Variants in SLC39A14 observed in about 807,000 individuals in gnomAD.
The protein encoded by SLC39A14 is metal cation symporter ZIP14.
A neutral mutation model predicts 45.5 loss-of-function variants in SLC39A14; 19 were observed. The ratio of observed to expected loss-of-function variants is 0.42; its 90% CI spans 0.29 to 0.61. The LOEUF (loss-of-function observed/expected upper bound fraction) is 0.61, where lower values mean the gene tolerates loss of function less well. Among genes scored for constraint, SLC39A14 ranks in the 20% least tolerant of loss-of-function variants. The pLI is 0.22. For missense variants in SLC39A14, 447 were observed against 616.5 expected (o/e 0.73, Z 2.91); for synonymous variants, 264 against 251.3 (o/e 1.05, Z -0.48).
chr8:22,432,419 C>T (rs929357330), intron 8 of SLC39A14, among the ~76,000 whole-genome samples: 1 of 151,396 alleles, frequency 6.6e-6, no homozygotes, highest in African/African-American at 2.4e-5. Flanking sequence ...TCTCTCTGCT[C>T]CTTCCCTCCC....
chr8:22,378,786 C>T (rs997149643), intron 1 of SLC39A14, among the ~76,000 whole-genome samples: 4 of 152,148 alleles, frequency 2.6e-5, no homozygotes, highest in Non-Finnish European at 4.4e-5. Context: ...TCATGGGTCC[C>T]GCCCATACAC....
At chr8:22,411,965 G>A in intron 3 of SLC39A14, 72 bp from the exon 4 acceptor site, 1 of 1,383,308 alleles carries the variant, frequency 7.2e-7, no homozygotes, top group Non-Finnish European at 9.8e-7. Context: ...GCTAAATGGT[G>A]GTTGCTGTGC....
chr8:22,395,282 T>C (rs1834322687), intron 1 of SLC39A14, among the ~76,000 whole-genome samples: 1 of 152,198 alleles, frequency 6.6e-6, no homozygotes, highest in South Asian at 2.1e-4. Context: ...ATCTTGTGTT[T>C]TATCTTAGAA....
At chr8:22,405,022 C>T in intron 2 of SLC39A14, 42 bp downstream of exon 2, 7 of 1,583,458 alleles carry the variant, frequency 4.4e-6, no homozygotes, top group Non-Finnish European at 6.0e-6. Context: ...TCAGCCCCGT[C>T]TCTGGCCTCT....
intron 1 of SLC39A14, among the ~76,000 whole-genome samples, chr8:22,383,826 C>T (rs549833614): frequency 6.6e-6 from 1 of 152,288 alleles, no homozygotes; most frequent in Admixed American, 6.5e-5. Flanking sequence ...ACCGTTTCTC[C>T]AGGGCTGGCT....
At chr8:22,412,334 A>T in intron 4 of SLC39A14, 128 bp downstream of exon 4, 1 of 988,950 alleles carries the variant, frequency 1.0e-6, no homozygotes, top group Non-Finnish European at 1.5e-6. Flanking sequence ...GCTAGAACTT[A>T]GGCGTGAACT....
chr8:22,394,721 A>G (rs1461616509), intron 1 of SLC39A14, among the ~76,000 whole-genome samples: 1 of 152,116 alleles, frequency 6.6e-6, no homozygotes, highest in East Asian at 1.9e-4. Flanking sequence ...TTTCTGTATT[A>G]ATTACATGCA....
chr8:22,381,789 G>A (rs1017675944), intron 1 of SLC39A14, among the ~76,000 whole-genome samples: 2 of 152,096 alleles, frequency 1.3e-5, no homozygotes, highest in Non-Finnish European at 2.9e-5. Flanking sequence ...GTGACAAAAG[G>A]TTAATATCTT....
chr8:22,375,587 G>A (rs563468539), intron 1 of SLC39A14, among the ~76,000 whole-genome samples: 1 of 152,124 alleles, frequency 6.6e-6, no homozygotes, highest in African/African-American at 2.4e-5. Flanking sequence ...CCAGGTTCAA[G>A]CAATTCTCCT....
At chr8:22,370,059 T>C (rs1832845303) in intron 1 of SLC39A14, among the ~76,000 whole-genome samples, 1 of 152,176 alleles carries the variant, frequency 6.6e-6, no homozygotes, top group Non-Finnish European at 1.5e-5. Flanking sequence ...GCTGCTCTGA[T>C]TTCTTCAGAG....
chr8:22,401,543 C>CTTTTTTTTTTTTTT (rs71544899), intron 1 of SLC39A14, among the ~76,000 whole-genome samples: 30 of 84,076 alleles, frequency 3.6e-4, no homozygotes, highest in East Asian at 8.2e-4. Flanking sequence ...TCTTCTCTTT[C>CTTTTTTTTTTTTTT]TTTTTTTTTT....
Position 22,422,460 on chromosome 8 carries a change from A to G in SLC39A14, c.*2762A>G, listed in dbSNP as rs190839060. Reference sequence around the variant, plus strand: ...TAAGTCCTCTTCCAAAGAGATGGCAATATGCTGGGCATCTACTTTAAAACA... The same window carrying G: ...TAAGTCCTCTTCCAAAGAGATGGCAGTATGCTGGGCATCTACTTTAAAACA... On this transcript the variant is annotated 3_prime_UTR_variant, in exon 9 of 9. Transcript: ENST00000381237. 1.8e-4 allele frequency: 180 copies of G among 985,898 alleles called. 1 individual carries two copies. In the African/African-American group the frequency reaches 3.0e-3, roughly 16 times the overall value. 61.1% of individuals were successfully genotyped at this position (985,898 alleles called of 1,614,324 possible). A position where few individuals can be genotyped will look rare whatever the true frequency, so the allele number is the denominator to read the frequency against.
At chr8:22,379,383 G>T (rs903762606) in intron 1 of SLC39A14, 8 of 152,190 alleles carry the variant, frequency 5.3e-5, no homozygotes, top group African/African-American at 1.9e-4. Context: ...CTAAACTCTG[G>T]TTCACGGAGC....
At chr8:22,395,543 A>C (rs1454522508) in intron 1 of SLC39A14, among the ~76,000 whole-genome samples, 1 of 152,220 alleles carries the variant, frequency 6.6e-6, no homozygotes, top group Admixed American at 6.5e-5. Context: ...AAAAACTTGC[A>C]ACCTCAGGCT....
intron 1 of SLC39A14, among the ~76,000 whole-genome samples, chr8:22,393,659 T>A (rs1011853364): frequency 1.1e-4 from 16 of 152,338 alleles, no homozygotes; most frequent in African/African-American, 2.6e-4. Context: ...GTGTTTTTTT[T>A]AATTGATTTA....
In SLC39A14 at chr8:22,422,686, T is replaced by C. The variant is rs987027226; in HGVS notation, c.*2988T>C. ...AGCTATATTCTGTAATTGTTGAGAA[T>C]CCCACGGGTGATCATTTGCAATAAA... On this transcript the variant is annotated 3_prime_UTR_variant, in exon 9 of 9. Coordinates refer to ENST00000381237, the MANE Select transcript of SLC39A14 (RefSeq NM_001128431.4). 1 of 985,228 alleles carries C rather than the reference T, an allele frequency of 1.0e-6. No individual in the cohort carries two copies. Among genetic ancestry groups the C allele is most frequent in the Non-Finnish European group, 1.2e-6 (1 of 829,734 alleles). 61.0% of individuals were successfully genotyped at this position (985,228 alleles called of 1,614,324 possible). A position where few individuals can be genotyped will look rare whatever the true frequency, so the allele number is the denominator to read the frequency against.
Position 22,421,040 on chromosome 8 carries a change from G to A in SLC39A14, c.*1342G>A, listed in dbSNP as rs1386435691. On this transcript the variant is annotated 3_prime_UTR_variant, in exon 9 of 9. Transcript: ENST00000381237. ...CTTGCCTCCGAGCTCTGGCTTCAAG[G>A]GGAGCTCTTCTCCAGGTTCACTAGG... The A allele has an allele frequency of 2.0e-6, 2 of 985,692 alleles. No individual in the cohort carries two copies. Among genetic ancestry groups the A allele is most frequent in the Admixed American group, 6.2e-5 (1 of 16,252 alleles). 61.1% of individuals were successfully genotyped at this position (985,692 alleles called of 1,614,324 possible).
chr8:22,410,103 G>C, intron 3 of SLC39A14: 14 of 1,614,090 alleles, frequency 8.7e-6, no homozygotes, highest in Non-Finnish European at 1.2e-5. Context: ...CGCTATTCCA[G>C]CTCATCCCAG....
At position 22,412,146 on chromosome 8, in the gene SLC39A14, C is replaced by G; in HGVS notation, c.567C>G (p.Tyr189Ter). ...CCTTTTACAAGAGGCTGCTGCTCTA[C>G]TTCATAGCTCTGGCGATTGGAACCC... ...KKTFYKRLLL[Y>*]FIALAIGTLY... The change falls in exon 4 of 9, where the codon TAC (tyrosine) becomes TAG (stop). Residue 189 changes from tyrosine to a stop codon, truncating the protein, a stop_gained. Transcript: ENST00000381237. LOFTEE classifies it high-confidence loss of function. 6.4e-7 allele frequency: 1 copy of G among 1,551,752 alleles called. No homozygotes were observed. The highest frequency in any genetic ancestry group is 1.7e-4 in the Middle Eastern group (1 of 5,992).
Sources: allele counts gnomAD v4.1 joint callset (sites outside exome capture counted in the v4.1 genomes callset), GRCh38; gene constraint gnomAD v4.1.1; transcripts MANE v1.5; gene names NCBI Gene and HGNC (gene_info 2026-07-23, HGNC 2026-07-21).